RNPC3: variants seen among roughly 807,000 people sequenced by gnomAD.
RNPC3 encodes the protein RNA binding region (RNP1, RRM) containing 3, also known as RNA-binding region-containing protein 3.
In RNPC3, 48 loss-of-function variants were observed where a neutral mutation model predicts 67.5. The observed-to-expected ratio is 0.71, with a 90% CI of 0.56 to 0.90. The LOEUF is 0.90. Among genes scored for constraint, RNPC3 ranks in the 40% least tolerant of loss-of-function variants. The probability of loss-of-function intolerance (pLI) is 0.00; values close to 1 mark genes in which losing one functional copy is unlikely to be tolerated. For missense variants in RNPC3, 637 were observed against 626.1 expected (o/e 1.02, Z -0.19); for synonymous variants, 239 against 210.3 (o/e 1.14, Z -1.18).
intron 3 of RNPC3, 84 bp from the exon 4 acceptor site, chr1:103,534,687 CATG>C (rs1650939459): frequency 1.7e-6 from 1 of 593,794 alleles, no homozygotes; most frequent in Non-Finnish European, 2.7e-6. Context: ...TTTATAATGA[CATG>C]TTTGAAAAGG....
In RNPC3 at chr1:103,525,972, A is replaced by G. The variant is rs1379812522; in HGVS notation, c.-99A>G. 2 of 960,110 alleles carry G rather than the reference A, an allele frequency of 2.1e-6. No individual in the cohort carries two copies. Among genetic ancestry groups the G allele is most frequent in the Non-Finnish European group, 3.0e-6 (2 of 665,042 alleles). The allele number at this position is 960,110 out of a possible 1,614,324, so 59.5% of individuals were successfully genotyped here. A position where few individuals can be genotyped will look rare whatever the true frequency, so the allele number is the denominator to read the frequency against. On this transcript the variant is annotated 5_prime_UTR_variant, in exon 1 of 15. Coordinates refer to ENST00000423855, the MANE Select transcript of RNPC3 (RefSeq NM_017619.4). The stretch of plus-strand genomic sequence containing the variant: ...GTATTTCCTGGTTTCCAGAATCCTT[A>G]GCGCGAGGCGGAAAAAATATTTCTC...
chr1:103,553,593 A>C (rs921052413), intron 14 of RNPC3: 3 of 152,194 alleles, frequency 2.0e-5, no homozygotes, highest in African/African-American at 7.2e-5. Flanking sequence ...ATTTACTTTA[A>C]CCCAGAATAC....
Position 103,550,932 on chromosome 1 carries a change from T to G in RNPC3, c.1362-9T>G. The G allele has an allele frequency of 6.2e-7, 1 of 1,609,116 alleles. No homozygotes were observed. Among genetic ancestry groups the G allele is most frequent in the Non-Finnish European group, 8.5e-7 (1 of 1,178,682 alleles). The stretch of plus-strand genomic sequence containing the variant: ...CATTCTTTGAATCAAAACTGTTTCT[T>G]CCTTCTAGGTTTGATATACGTTTGA... On this transcript the variant is annotated splice_polypyrimidine_tract_variant and intron_variant, in intron 12 of 14. Transcript: ENST00000423855.
chr1:103,551,742 C>T lies in RNPC3; in HGVS notation c.1516C>T (p.Pro506Ser). The T allele has an allele frequency of 6.5e-7, 1 of 1,532,360 alleles. No homozygotes were observed. The highest frequency in any genetic ancestry group is 8.8e-7 in the Non-Finnish European group (1 of 1,135,952). The allele number at this position is 1,532,360 out of a possible 1,614,324, so 94.9% of individuals were successfully genotyped here. Residue 506 changes from proline to serine, a missense_variant, in exon 14 of 15, where the codon CCA (proline) becomes TCA (serine). Transcript: ENST00000423855. ...MVVQFARSAR[P>S]KQDPKEGKRK... is the part of the protein sequence containing the mutation. ...TTAGCAGTTTGCTCGATCTGCTAGA[C>T]CAAAACAAGATCCTAAGGAAGGAAA... is the stretch of plus-strand genomic sequence containing the variant.
At chr1:103,540,510 TAACTA>T (rs1225306773) in intron 7 of RNPC3, among the ~76,000 whole-genome samples, 1 of 152,232 alleles carries the variant, frequency 6.6e-6, no homozygotes, top group Non-Finnish European at 1.5e-5. Flanking sequence ...ATACTTTGAA[TAACTA>T]AATTTTTTCA....
At chr1:103,532,848 T>C (rs961193518) in intron 2 of RNPC3, among the ~76,000 whole-genome samples, 1 of 152,200 alleles carries the variant, frequency 6.6e-6, no homozygotes, top group South Asian at 2.1e-4. Context: ...AGTAAACTTA[T>C]TAAAGCATTA....
chr1:103,537,616 A>G, intron 7 of RNPC3, 132 bp downstream of exon 7: 1 of 655,384 alleles, frequency 1.5e-6, no homozygotes, highest in Non-Finnish European at 2.5e-6. Flanking sequence ...TCAGCCCCCC[A>G]GCACCTCAGG....
chr1:103,533,066 A>C (rs1427037000), intron 2 of RNPC3, among the ~76,000 whole-genome samples: 1 of 152,006 alleles, frequency 6.6e-6, no homozygotes, highest in African/African-American at 2.4e-5. Context: ...ACCCCTCACC[A>C]CACACAATTC....
At chr1:103,551,601 G>A (rs1020899577) in intron 13 of RNPC3, 120 bp from the exon 14 acceptor site, 3 of 567,354 alleles carry the variant, frequency 5.3e-6, no homozygotes, top group Admixed American at 3.8e-5. Flanking sequence ...AAGAGAGGCA[G>A]GAGGCACTCA....
At chr1:103,540,832 C>G (rs942790012) in intron 7 of RNPC3, among the ~76,000 whole-genome samples, 1 of 152,110 alleles carries the variant, frequency 6.6e-6, no homozygotes, top group African/African-American at 2.4e-5. Flanking sequence ...GAAACTACTT[C>G]AGAGCATAGT....
chr1:103,540,141 A>C (rs1651089977), intron 7 of RNPC3, among the ~76,000 whole-genome samples: 1 of 152,244 alleles, frequency 6.6e-6, no homozygotes, highest in South Asian at 2.1e-4. Flanking sequence ...TGCTGGGATT[A>C]TAGGCGTGAG....
At chr1:103,534,671 G>C in intron 3 of RNPC3, 103 bp from the exon 4 acceptor site, 1 of 596,076 alleles carries the variant, frequency 1.7e-6, no homozygotes, top group Non-Finnish European at 2.8e-6. Flanking sequence ...TTTTAATGAA[G>C]CTGTTTTTAT....
intron 12 of RNPC3, among the ~76,000 whole-genome samples, chr1:103,548,622 G>A (rs938806593): frequency 4.6e-5 from 7 of 152,092 alleles, no homozygotes; most frequent in East Asian, 1.9e-4. Context: ...CAAGTCTAGC[G>A]AGTTCCAAAC....
chr1:103,536,801 C>T (rs1650997354), intron 6 of RNPC3, among the ~76,000 whole-genome samples: 3 of 151,752 alleles, frequency 2.0e-5, no homozygotes, highest in South Asian at 2.1e-4. Context: ...GTAACCCCAA[C>T]ACCTACTCAA....
intron 12 of RNPC3, among the ~76,000 whole-genome samples, chr1:103,548,673 G>A (rs1045665335): frequency 4.6e-5 from 7 of 151,472 alleles, no homozygotes; most frequent in African/African-American, 1.7e-4. Flanking sequence ...CCTCCAAACT[G>A]TTCCAACGTC....
chr1:103,535,147 C>A (rs1650949970), intron 4 of RNPC3, among the ~76,000 whole-genome samples, 183 bp from the exon 5 acceptor site: 1 of 151,982 alleles, frequency 6.6e-6, no homozygotes, highest in South Asian at 2.1e-4. Flanking sequence ...ACAAGATAAA[C>A]CTCTGCCAAG....
At chr1:103,544,601 G>A (rs1265369839) in intron 9 of RNPC3, among the ~76,000 whole-genome samples, 1 of 151,856 alleles carries the variant, frequency 6.6e-6, no homozygotes, top group Non-Finnish European at 1.5e-5. Flanking sequence ...TGCAAACATA[G>A]TGAGTGAAAA....
intron 4 of RNPC3, 109 bp from the exon 5 acceptor site, chr1:103,535,221 A>G (rs1650951153): frequency 1.5e-6 from 1 of 657,936 alleles, no homozygotes; most frequent in Non-Finnish European, 2.6e-6. Flanking sequence ...AGGTAAATCT[A>G]ATAGTACTGT....
Position 103,525,828 on chromosome 1 carries a change from G to A in RNPC3, c.-243G>A. 1 of 444,758 alleles carries A rather than the reference G, an allele frequency of 2.2e-6. No individual in the cohort carries two copies. The highest frequency in any genetic ancestry group is 3.7e-5 in the East Asian group (1 of 26,720). 27.6% of individuals were successfully genotyped at this position (444,758 alleles called of 1,614,324 possible). On this transcript the variant is annotated 5_prime_UTR_variant, in exon 1 of 15. Coordinates refer to ENST00000423855, the MANE Select transcript of RNPC3 (RefSeq NM_017619.4). The stretch of plus-strand genomic sequence containing the variant: ...TCTCTGGGCCAATTTTTGCTTGTAA[G>A]TCTTTCCGGAGACCCCTGGAATTTA...
Sources: gnomAD v4.1 joint callset for allele counts (sites outside exome capture counted in the v4.1 genomes callset) on GRCh38, gnomAD v4.1.1 for gene constraint, MANE v1.5 for transcripts, NCBI Gene and HGNC (gene_info 2026-07-23, HGNC 2026-07-21) for gene names.